Variants in FOXN3 observed in about 807,000 individuals in gnomAD.
FOXN3 encodes the protein forkhead box N3.
Under a neutral mutation model 38.4 loss-of-function variants are expected in FOXN3, and 7 were observed. That is an observed-to-expected ratio of 0.18 (90% confidence interval 0.10 to 0.34). The LOEUF (loss-of-function observed/expected upper bound fraction) is 0.34, where lower values mean the gene tolerates loss of function less well. Among genes scored for constraint, FOXN3 ranks in the 10% least tolerant of loss-of-function variants. FOXN3 has a pLI of 1.00. For synonymous variants in FOXN3, 230 were observed against 242.2 expected, an observed-to-expected ratio of 0.95 and a Z score of 0.47; for missense variants, 456 against 613.4, an observed-to-expected ratio of 0.74 and a Z score of 2.71.
At chr14:89,512,958 G>T (rs1005941770) in intron 1 of FOXN3, among the ~76,000 whole-genome samples, 1 of 151,974 alleles carries the variant, frequency 6.6e-6, no homozygotes, top group Non-Finnish European at 1.5e-5. Flanking sequence ...GGCCAAGATG[G>T]TGAAACCCCT....
intron 3 of FOXN3, among the ~76,000 whole-genome samples, chr14:89,288,710 CTCTCTCTCTCTCTCTATATATATATA>C (rs1313076645): frequency 3.3e-4 from 25 of 75,844 alleles, no homozygotes; most frequent in African/African-American, 6.1e-4. Flanking sequence ...CTCTCTCTCT[CTCTCTCTCTCTCTCTATATATATATA>C]TATATATATA....
chr14:89,425,052 G>C (rs373921407), intron 1 of FOXN3, among the ~76,000 whole-genome samples: 45 of 115,980 alleles, frequency 3.9e-4, no homozygotes, highest in Admixed American at 8.2e-4. Context: ...GTTTTGTTTT[G>C]TTTTCTTTTC....
At chr14:89,407,038 T>C (rs1291829745) in intron 2 of FOXN3, among the ~76,000 whole-genome samples, 3 of 142,256 alleles carry the variant, frequency 2.1e-5, no homozygotes, top group Non-Finnish European at 4.6e-5. Context: ...TTTTATAGAG[T>C]AGGGAACAGT....
chr14:89,476,305 CA>C (rs1454951876), intron 1 of FOXN3, among the ~76,000 whole-genome samples: 9 of 152,232 alleles, frequency 5.9e-5, no homozygotes, highest in Non-Finnish European at 1.3e-4. Flanking sequence ...TTGACTGGGC[CA>C]ATCTGAATGC....
At chr14:89,227,526 G>A (rs552847242) in intron 4 of FOXN3, among the ~76,000 whole-genome samples, 29 of 152,222 alleles carry the variant, frequency 1.9e-4, no homozygotes, top group African/African-American at 2.9e-4. Context: ...GAAATGTGGC[G>A]GGTCAGTCAT....
intron 2 of FOXN3, chr14:89,355,014 A>G (rs1889150150): frequency 1.3e-5 from 2 of 151,656 alleles, no homozygotes; most frequent in African/African-American, 4.8e-5. Flanking sequence ...ACACCCCCAG[A>G]AAAAAAACTG....
chr14:89,519,382 G>C (rs1018409359), intron 1 of FOXN3, among the ~76,000 whole-genome samples: 2 of 152,136 alleles, frequency 1.3e-5, no homozygotes, highest in African/African-American at 4.8e-5. Flanking sequence ...TGAAAAAAAG[G>C]GTTGTGAAAA....
chr14:89,203,666 G>C (rs1328441284), intron 4 of FOXN3, among the ~76,000 whole-genome samples: 3 of 152,206 alleles, frequency 2.0e-5, no homozygotes, highest in Non-Finnish European at 2.9e-5. Context: ...CATGGGGCAG[G>C]CAGATATGCT....
chr14:89,436,289 T>TAAAAAAAAAAAAAA (rs77915176), intron 1 of FOXN3, among the ~76,000 whole-genome samples: 2 of 134,818 alleles, frequency 1.5e-5, no homozygotes, highest in African/African-American at 5.5e-5. Flanking sequence ...GTTTATTCAT[T>TAAAAAAAAAAAAAA]AAAAAAAAAA....
At chr14:89,488,334 C>T (rs1046658142) in intron 1 of FOXN3, among the ~76,000 whole-genome samples, 1 of 151,872 alleles carries the variant, frequency 6.6e-6, no homozygotes, top group Non-Finnish European at 1.5e-5. Flanking sequence ...ACCGAGCAGG[C>T]ACCAGTGGCT....
At chr14:89,399,198 T>A (rs1035627015) in intron 2 of FOXN3, among the ~76,000 whole-genome samples, 1 of 152,094 alleles carries the variant, frequency 6.6e-6, no homozygotes, top group Non-Finnish European at 1.5e-5. Context: ...TATCTAAAAA[T>A]GATGACAAAG....
intron 4 of FOXN3, among the ~76,000 whole-genome samples, chr14:89,214,314 C>G (rs1174013028): frequency 6.6e-6 from 1 of 152,202 alleles, no homozygotes; most frequent in Non-Finnish European, 1.5e-5. Context: ...GTGCAAGTCC[C>G]TACTAGAGAC....
At chr14:89,278,400 A>C (rs1886363234) in intron 4 of FOXN3, among the ~76,000 whole-genome samples, 1 of 152,206 alleles carries the variant, frequency 6.6e-6, no homozygotes, top group Non-Finnish European at 1.5e-5. Context: ...GGTTGGAGAC[A>C]CAGCCAAACC....
At position 89,161,133 on chromosome 14, in the gene FOXN3, CTTTTTCTTT is replaced by C. The variant is rs1483493986; in HGVS notation, c.*1272_*1280del. On this transcript the variant is annotated 3_prime_UTR_variant, in exon 6 of 6. Transcript: ENST00000557258. ...AAGTTTGTTTTTGTGATTTTTTTCT[CTTTTTCTTT>C]TTTTTCTTCAAAGGAATCCATGCAT... 2.6e-5 allele frequency: 4 copies of C among 152,066 alleles called. No homozygotes were observed. Among genetic ancestry groups the C allele is most frequent in the Non-Finnish European group, 5.9e-5 (4 of 67,888 alleles). The allele number at this position is 152,066 out of a possible 1,614,324, so 9.4% of individuals were successfully genotyped here.
At chr14:89,507,122 T>TAA (rs11385288) in intron 1 of FOXN3, among the ~76,000 whole-genome samples, 53 of 124,176 alleles carry the variant, frequency 4.3e-4, no homozygotes, top group Admixed American at 5.4e-4. Flanking sequence ...GAATGATCAA[T>TAA]AAAAAAAAAA....
At chr14:89,335,075 TATCACACACACACACACA>T (rs1290155555) in intron 3 of FOXN3, among the ~76,000 whole-genome samples, 3 of 136,266 alleles carry the variant, frequency 2.2e-5, no homozygotes, top group South Asian at 2.2e-4. Flanking sequence ...ACTATTTTCA[TATCACACACACACACACA>T]CACACACACA....
chr14:89,332,029 C>T (rs1833278731), intron 3 of FOXN3, among the ~76,000 whole-genome samples: 1 of 152,082 alleles, frequency 6.6e-6, no homozygotes, highest in African/African-American at 2.4e-5. Flanking sequence ...CTGCGTTTCC[C>T]AAACTTATTG....
At chr14:89,528,076 T>G (rs1894468571) in intron 1 of FOXN3, among the ~76,000 whole-genome samples, 1 of 152,124 alleles carries the variant, frequency 6.6e-6, no homozygotes, top group Non-Finnish European at 1.5e-5. Flanking sequence ...AAATGTAAAA[T>G]AGCACAAATA....
chr14:89,214,459 A>C (rs959583052), intron 4 of FOXN3, among the ~76,000 whole-genome samples: 2 of 152,250 alleles, frequency 1.3e-5, no homozygotes, highest in African/African-American at 2.4e-5. Flanking sequence ...ACTTAACAGC[A>C]AACAAAGGCC....
Sources: gnomAD v4.1 joint callset for allele counts (sites outside exome capture counted in the v4.1 genomes callset) on GRCh38, gnomAD v4.1.1 for gene constraint, MANE v1.5 for transcripts, NCBI Gene and HGNC (gene_info 2026-07-23, HGNC 2026-07-21) for gene names.